Variants in EDC3 observed in about 807,000 individuals in gnomAD.
EDC3 encodes the protein enhancer of mRNA-decapping protein 3.
EDC3 carries 20 observed loss-of-function variants against 41.8 expected under a neutral mutation model. The observed-to-expected ratio is 0.48, with a 90% CI of 0.34 to 0.70. The LOEUF (loss-of-function observed/expected upper bound fraction) is 0.70, where lower values mean the gene tolerates loss of function less well. Ranked by LOEUF, EDC3 falls within the 30% of genes least tolerant of loss-of-function variation. The probability of loss-of-function intolerance (pLI) is 0.01; values close to 1 mark genes in which losing one functional copy is unlikely to be tolerated. For missense variants in EDC3, 444 were observed against 636.8 expected (o/e 0.70, Z 3.26); for synonymous variants, 206 against 243.2 (o/e 0.85, Z 1.42).
chr15:74,645,257 G>A (rs1204263521), intron 4 of EDC3: 2 of 152,162 alleles, frequency 1.3e-5, no homozygotes, highest in Non-Finnish European at 2.9e-5. Context: ...TGCATACGGA[G>A]TATATTAGAT....
In EDC3 at chr15:74,671,684, G is replaced by A; in HGVS notation, c.255C>T (p.Gly85=). The A allele has an allele frequency of 8.7e-6, 14 of 1,614,146 alleles. No individual in the cohort carries two copies. The highest frequency in any genetic ancestry group is 1.1e-5 in the Non-Finnish European group (13 of 1,180,028). The stretch of plus-strand genomic sequence containing the variant: ...CCACTTGGCAGCCAGCACCAGAGGG[G>A]CCTAATTCTGTTTGATGAAGGTCTC... ...HFGDLHQTEL[G]PSGAGCQVGI... The change falls in exon 3 of 7, where the codon GGC becomes GGT. Residue 85 remains glycine, a synonymous_variant. Coordinates refer to ENST00000315127, the MANE Select transcript of EDC3 (RefSeq NM_025083.5). This position sits in a 1 kb window ranked among gnomAD's most constrained non-coding sequence, Gnocchi z 4.6.
At chr15:74,675,658 A>C (rs2062797933) in intron 1 of EDC3, among the ~76,000 whole-genome samples, 1 of 150,348 alleles carries the variant, frequency 6.7e-6, no homozygotes, top group Non-Finnish European at 1.5e-5. Flanking sequence ...AGGCGGGCAG[A>C]TCACGAGGTC....
intron 4 of EDC3, among the ~76,000 whole-genome samples, chr15:74,651,021 A>C: frequency 6.6e-6 from 1 of 152,148 alleles, no homozygotes; most frequent in East Asian, 1.9e-4. Flanking sequence ...AAAATTTAAA[A>C]AAAAATTAAA....
In EDC3 at chr15:74,631,374, C is replaced by G. The variant is rs1442697720; in HGVS notation, c.*1238G>C. Reference sequence around the variant, plus strand: ...CCCTGCCAGGATTCCAGGCATAGATCCTGTTCTACCAGCCTCCAGGGCCTA... The same window carrying G: ...CCCTGCCAGGATTCCAGGCATAGATGCTGTTCTACCAGCCTCCAGGGCCTA... On this transcript the variant is annotated 3_prime_UTR_variant, in exon 7 of 7. Coordinates refer to ENST00000315127, the MANE Select transcript of EDC3 (RefSeq NM_025083.5). 1.3e-5 allele frequency: 2 copies of G among 152,238 alleles called. No individual in the cohort carries two copies. The highest frequency in any genetic ancestry group is 2.9e-5 in the Non-Finnish European group (2 of 68,066). The allele number at this position is 152,238 out of a possible 1,614,324, so 9.4% of individuals were successfully genotyped here.
intron 1 of EDC3, among the ~76,000 whole-genome samples, chr15:74,688,988 G>T (rs1156435040): frequency 1.3e-5 from 2 of 151,326 alleles, no homozygotes; most frequent in Non-Finnish European, 2.9e-5. Flanking sequence ...TCTCATAGCT[G>T]TGCTGTTTTC....
rs929525076 is a variant in EDC3 at position 74,653,950 on chromosome 15, T to TA, written c.820+1782dup. On this transcript the variant is annotated intron_variant, in intron 4 of 6. Coordinates refer to ENST00000315127, the MANE Select transcript of EDC3 (RefSeq NM_025083.5). Reference sequence around the variant, plus strand: ...AGGGCAGATCATAATCTTCCCAAGTTAAAAAAATCCTGCAGTGTAGGGCTG... The same window carrying TA: ...AGGGCAGATCATAATCTTCCCAAGTTAAAAAAAATCCTGCAGTGTAGGGCTG... Among the ~76,000 whole-genome samples, 3 of 152,038 alleles carry TA rather than the reference T, an allele frequency of 2.0e-5. No homozygotes were observed. The South Asian group carries it at 6.2e-4, about 32-fold the overall frequency.
At chr15:74,651,716 GTTAC>G in intron 4 of EDC3, among the ~76,000 whole-genome samples, 1 of 152,336 alleles carries the variant, frequency 6.6e-6, no homozygotes, top group East Asian at 1.9e-4. Context: ...AGCTCTCCAA[GTTAC>G]TTCTGTAAAC....
At chr15:74,678,288 G>A (rs1055853685) in intron 1 of EDC3, among the ~76,000 whole-genome samples, 1 of 152,116 alleles carries the variant, frequency 6.6e-6, no homozygotes, top group Admixed American at 6.5e-5. Flanking sequence ...AAACACGACC[G>A]TGGTGTGGAA....
intron 4 of EDC3, among the ~76,000 whole-genome samples, chr15:74,652,836 T>C (rs1264863954): frequency 1.4e-5 from 2 of 145,154 alleles, no homozygotes; most frequent in Middle Eastern, 8.2e-3. Flanking sequence ...CACCTTGGCC[T>C]CCCGAAGTGC....
intron 3 of EDC3, among the ~76,000 whole-genome samples, chr15:74,657,931 TA>T (rs2062570891): frequency 6.6e-6 from 1 of 152,194 alleles, no homozygotes; most frequent in African/African-American, 2.4e-5. Context: ...ACAGGGTCCA[TA>T]CTGAACTGAT....
intron 1 of EDC3, among the ~76,000 whole-genome samples, chr15:74,684,249 C>T (rs1383657156): frequency 1.3e-5 from 2 of 151,656 alleles, no homozygotes; most frequent in Admixed American, 6.6e-5. Flanking sequence ...GCTGCCCAAG[C>T]TAGTCTTGAC....
At chr15:74,667,886 C>T (rs2062694791) in intron 3 of EDC3, among the ~76,000 whole-genome samples, 1 of 152,082 alleles carries the variant, frequency 6.6e-6, no homozygotes, top group African/African-American at 2.4e-5. Context: ...GTGGGCTGCA[C>T]ATAGTGATTT....
chr15:74,632,293 G>GCCA lies in EDC3; in HGVS notation c.*318_*319insTGG. 1 of 374,702 alleles carries GCCA rather than the reference G, an allele frequency of 2.7e-6. No homozygotes were observed. The highest frequency in any genetic ancestry group is 5.3e-5 in the East Asian group (1 of 18,808). The allele number at this position is 374,702 out of a possible 1,614,324, so 23.2% of individuals were successfully genotyped here. On this transcript the variant is annotated 3_prime_UTR_variant, in exon 7 of 7. Coordinates refer to ENST00000315127, the MANE Select transcript of EDC3 (RefSeq NM_025083.5). This position sits in a 1 kb window ranked among gnomAD's most constrained non-coding sequence, Gnocchi z 4.0. The stretch of plus-strand genomic sequence containing the variant: ...TTCAATGTGTGTGCCCAGGCCCAGT[G>GCCA]GCTGTAAACCTGAAACACAGTCTTG...
At position 74,671,311 on chromosome 15, in the gene EDC3, G is replaced by C; in HGVS notation, c.484+144C>G. On this transcript the variant is annotated intron_variant, in intron 3 of 6. Transcript: ENST00000315127. The surrounding 1 kb of genome is among the most constrained non-coding windows in gnomAD (Gnocchi z 4.6). ...TCTTGAGGAATGAGGCCTGGAGGAAGAGAACCATGTTGTATTTCTGTGACG... is the reference window on the plus strand; with the variant it reads ...TCTTGAGGAATGAGGCCTGGAGGAACAGAACCATGTTGTATTTCTGTGACG... The C allele has an allele frequency of 1.1e-6, 1 of 950,014 alleles. No individual in the cohort carries two copies. Among genetic ancestry groups the C allele is most frequent in the South Asian group, 1.7e-5 (1 of 59,144 alleles). 58.8% of individuals were successfully genotyped at this position (950,014 alleles called of 1,614,324 possible).
intron 3 of EDC3, among the ~76,000 whole-genome samples, chr15:74,662,397 G>C (rs112911655): frequency 0.01 from 1,559 of 150,104 alleles, 11 homozygotes; most frequent in Non-Finnish European, 0.018. Flanking sequence ...AAACTCTGCT[G>C]AATTAAGAAA....
chr15:74,640,032 G>C (rs963618944), intron 5 of EDC3: 1 of 169,516 alleles, frequency 5.9e-6, no homozygotes, highest in Non-Finnish European at 1.2e-5. Context: ...ATGAGCATAA[G>C]GGGCAGGTGG....
At chr15:74,680,547 C>G (rs2062859998) in intron 1 of EDC3, among the ~76,000 whole-genome samples, 1 of 152,090 alleles carries the variant, frequency 6.6e-6, no homozygotes, top group African/African-American at 2.4e-5. Flanking sequence ...TAACATTATA[C>G]TAAATGGTGA....
intron 1 of EDC3, among the ~76,000 whole-genome samples, chr15:74,684,621 GAA>G (rs35655079): frequency 1.8e-4 from 25 of 140,878 alleles, no homozygotes; most frequent in African/African-American, 4.3e-4. Flanking sequence ...ACAAGAAAAA[GAA>G]AAAAAAAAAC....
chr15:74,634,956 C>G (rs1024636661), intron 6 of EDC3: 6 of 409,018 alleles, frequency 1.5e-5, no homozygotes, highest in African/African-American at 1.2e-4. Flanking sequence ...CAAGGCCCAT[C>G]ATGACCTGAC....
Sources: allele counts gnomAD v4.1 joint callset (sites outside exome capture counted in the v4.1 genomes callset), GRCh38; gene constraint gnomAD v4.1.1; non-coding constraint Gnocchi (gnomAD v3.1); transcripts MANE v1.5; gene names NCBI Gene and HGNC (gene_info 2026-07-23, HGNC 2026-07-21).